Variants in EYS observed in about 807,000 individuals in gnomAD.
EYS encodes the protein protein eyes shut homolog.
A neutral mutation model predicts 282.1 loss-of-function variants in EYS; 250 were observed. The ratio of observed to expected loss-of-function variants is 0.89; its 90% confidence interval spans 0.80 to 0.98. The LOEUF is 0.98. Among genes scored for constraint, EYS ranks in the 50% least tolerant of loss-of-function variants. EYS has a pLI of 0.00. For missense variants in EYS, 4,016 were observed against 3,709.0 expected, an observed-to-expected ratio of 1.08 and a Z score of -2.15; for synonymous variants, 1,355 against 1,282.9, an observed-to-expected ratio of 1.06 and a Z score of -1.20.
intron 1 of EYS, among the ~76,000 whole-genome samples, chr6:65,666,998 A>G (rs530306315): frequency 6.6e-6 from 1 of 151,912 alleles, no homozygotes; most frequent in East Asian, 1.9e-4. Context: ...AAATTCCATC[A>G]ATACATATGC....
chr6:64,147,153 A>G (rs1350548697), intron 31 of EYS, among the ~76,000 whole-genome samples: 1 of 152,140 alleles, frequency 6.6e-6, no homozygotes, highest in East Asian at 1.9e-4. Context: ...AGCTAACAGG[A>G]TGGTCAAGTA....
At chr6:64,016,004 G>T (rs1047379909) in intron 33 of EYS, among the ~76,000 whole-genome samples, 1 of 152,154 alleles carries the variant, frequency 6.6e-6, no homozygotes, top group African/African-American at 2.4e-5. Flanking sequence ...ACAAACAAAG[G>T]AACTATGTTT....
chr6:64,845,424 C>A (rs918441784), intron 19 of EYS, among the ~76,000 whole-genome samples: 1 of 152,126 alleles, frequency 6.6e-6, no homozygotes, highest in Non-Finnish European at 1.5e-5. Context: ...CTTTATTCAT[C>A]TTCCATGGTG....
chr6:65,294,907 C>T (rs2150285610), intron 12 of EYS, among the ~76,000 whole-genome samples: 1 of 151,822 alleles, frequency 6.6e-6, no homozygotes, highest in East Asian at 1.9e-4. Context: ...GCAAGCTTAC[C>T]AGAATTTTTG....
chr6:64,766,649 AATATATATATATAT>A (rs70999172), intron 22 of EYS, among the ~76,000 whole-genome samples: 9 of 19,068 alleles, frequency 4.7e-4, no homozygotes, highest in African/African-American at 1.6e-3. Context: ...AAAAAAAAAA[AATATATATATATAT>A]ATATATATAT....
chr6:65,301,280 G>A (rs956064092), intron 11 of EYS, among the ~76,000 whole-genome samples: 2 of 152,170 alleles, frequency 1.3e-5, no homozygotes, highest in African/African-American at 2.4e-5. Context: ...CAGATCACGA[G>A]GTCAGGAGAT....
chr6:64,610,799 C>G (rs1317960416), intron 24 of EYS, among the ~76,000 whole-genome samples: 1 of 152,184 alleles, frequency 6.6e-6, no homozygotes, highest in East Asian at 1.9e-4. Context: ...TATTAAACTA[C>G]ATTTTTCATT....
At chr6:64,581,533 A>T (rs536623696) in intron 26 of EYS, among the ~76,000 whole-genome samples, 1 of 152,296 alleles carries the variant, frequency 6.6e-6, no homozygotes, top group African/African-American at 2.4e-5. Flanking sequence ...AAATATTGGC[A>T]TAAATACTAC....
intron 1 of EYS, among the ~76,000 whole-genome samples, chr6:65,665,398 A>G (rs1768161656): frequency 6.6e-6 from 1 of 152,144 alleles, no homozygotes; most frequent in Non-Finnish European, 1.5e-5. Context: ...GTTTCATAAT[A>G]GCAGTGACCC....
intron 2 of EYS, among the ~76,000 whole-genome samples, chr6:65,525,055 A>T (rs1168062929): frequency 2.1e-5 from 3 of 146,302 alleles, no homozygotes; most frequent in Non-Finnish European, 4.5e-5. Context: ...TTCTAAACTG[A>T]TTTTTTTTTT....
In EYS at chr6:65,443,648, TG is replaced by T. The variant is rs1582303051; in HGVS notation, c.863-38282del. On this transcript the variant is annotated intron_variant, in intron 5 of 42. Transcript: ENST00000503581. ...AAACATGTGTAGAGGCACATATATG[TG>T]TCTATACACATATACGTATACATCA... is the stretch of plus-strand genomic sequence containing the variant. Among the ~76,000 whole-genome samples the T allele has an allele frequency of 8.7e-5, 9 of 103,998 alleles. No individual in the cohort carries two copies. In the East Asian group the frequency reaches 3.4e-3, roughly 39 times the overall value. 68.2% of individuals were successfully genotyped at this position (103,998 alleles called of 152,430 possible). A position where few individuals can be genotyped will look rare whatever the true frequency, so the allele number is the denominator to read the frequency against.
At chr6:65,705,334 G>A (rs886952605) in intron 1 of EYS, among the ~76,000 whole-genome samples, 3 of 152,266 alleles carry the variant, frequency 2.0e-5, no homozygotes, top group Non-Finnish European at 4.4e-5. Flanking sequence ...ATAGCTTAAC[G>A]TACTCAGGGC....
chr6:64,135,814 T>C (rs1437647316), intron 31 of EYS, among the ~76,000 whole-genome samples: 1 of 152,146 alleles, frequency 6.6e-6, no homozygotes, highest in Non-Finnish European at 1.5e-5. Context: ...TCTGAGCCTT[T>C]AGTGATTATT....
chr6:64,884,423 A>C (rs976200697), intron 19 of EYS, among the ~76,000 whole-genome samples: 1 of 151,552 alleles, frequency 6.6e-6, no homozygotes, highest in African/African-American at 2.4e-5. Flanking sequence ...ATGATCTTGA[A>C]AAATATACAA....
At chr6:65,375,062 T>C (rs942347561) in intron 8 of EYS, among the ~76,000 whole-genome samples, 1 of 152,072 alleles carries the variant, frequency 6.6e-6, no homozygotes, top group Non-Finnish European at 1.5e-5. Flanking sequence ...TCAAGTGGGT[T>C]CCCTGACCCC....
intron 24 of EYS, among the ~76,000 whole-genome samples, chr6:64,612,452 A>C (rs1767143074): frequency 6.6e-6 from 1 of 152,146 alleles, no homozygotes; most frequent in Non-Finnish European, 1.5e-5. Flanking sequence ...AAGCAAGTTT[A>C]GGACATTCAA....
chr6:63,778,361 A>G, intron 39 of EYS, 181 bp from the exon 40 acceptor site: 3 of 603,546 alleles, frequency 5.0e-6, no homozygotes, highest in East Asian at 3.0e-5. Context: ...GTCATTCATG[A>G]TATCATTTCA....
intron 12 of EYS, among the ~76,000 whole-genome samples, chr6:65,139,625 C>T (rs992278758): frequency 6.6e-6 from 1 of 152,050 alleles, no homozygotes; most frequent in East Asian, 1.9e-4. Flanking sequence ...CCACCCTCAT[C>T]TTCAAATGTT....
intron 8 of EYS, 140 bp from the exon 9 acceptor site, chr6:65,353,757 T>A: frequency 3.1e-6 from 2 of 639,598 alleles, no homozygotes; most frequent in South Asian, 3.9e-5. Context: ...TACTTCTCTT[T>A]ATTTCTTCTA....
Sources: allele counts gnomAD v4.1 joint callset (sites outside exome capture counted in the v4.1 genomes callset), GRCh38; gene constraint gnomAD v4.1.1; transcripts MANE v1.5; gene names NCBI Gene and HGNC (gene_info 2026-07-23, HGNC 2026-07-21).